Variants in DENND5B observed in about 807,000 individuals in gnomAD.
DENND5B encodes DENN domain-containing protein 5B.
A neutral mutation model predicts 140.6 loss-of-function variants in DENND5B; 34 were observed. The ratio of observed to expected loss-of-function variants is 0.24; its 90% CI spans 0.18 to 0.32. The LOEUF is 0.32. Ranked by LOEUF, DENND5B falls within the 10% of genes least tolerant of loss-of-function variation. The pLI is 1.00. For synonymous variants in DENND5B, 551 were observed against 562.1 expected (o/e 0.98, Z 0.28); for missense variants, 1,142 against 1,560.2 (o/e 0.73, Z 4.52).
At chr12:31,504,137 T>G (rs1253154204) in intron 1 of DENND5B, among the ~76,000 whole-genome samples, 2 of 152,210 alleles carry the variant, frequency 1.3e-5, no homozygotes, top group Non-Finnish European at 2.9e-5. Flanking sequence ...ATAACGTAAA[T>G]CACCATTTAT....
intron 6 of DENND5B, among the ~76,000 whole-genome samples, chr12:31,446,886 C>CA (rs534785761): frequency 0.049 from 3,486 of 71,144 alleles, 61 homozygotes; most frequent in Middle Eastern, 0.096. Flanking sequence ...GACTCCGCCT[C>CA]AAAAAAAAAA....
At chr12:31,549,093 T>G (rs1948953532) in intron 1 of DENND5B, among the ~76,000 whole-genome samples, 4 of 152,144 alleles carry the variant, frequency 2.6e-5, no homozygotes, top group African/African-American at 9.7e-5. Context: ...AGACACGAAG[T>G]CTCGCTTTGT....
At chr12:31,539,454 T>A (rs1305986157) in intron 1 of DENND5B, among the ~76,000 whole-genome samples, 2 of 152,136 alleles carry the variant, frequency 1.3e-5, no homozygotes, top group African/African-American at 4.8e-5. Context: ...ATATCACTGA[T>A]GAAAATTGAT....
In DENND5B at chr12:31,420,346, C is replaced by A. The variant is rs147157792; in HGVS notation, c.2470+3251G>T. ...GAGACTGGGTCTCACTATGTTACCT[C>A]AGCTGGTCTCAAACTCCTGGGCTCA... On this transcript the variant is annotated intron_variant, in intron 11 of 20. Transcript: ENST00000389082. 2.3e-3 allele frequency among the ~76,000 whole-genome samples: 351 copies of A among 152,042 alleles called. 4 individuals are homozygous for A. The highest frequency in any genetic ancestry group is 7.7e-3 in the African/African-American group (319 of 41,468).
intron 1 of DENND5B, among the ~76,000 whole-genome samples, chr12:31,530,190 T>C (rs1157084089): frequency 2.6e-5 from 4 of 152,220 alleles, no homozygotes; most frequent in African/African-American, 9.6e-5. Flanking sequence ...CTGGCCAACA[T>C]GGTGAAACCC....
chr12:31,443,634 G>A (rs2137998795), intron 6 of DENND5B, among the ~76,000 whole-genome samples: 1 of 152,248 alleles, frequency 6.6e-6, no homozygotes, highest in Non-Finnish European at 1.5e-5. Context: ...TTCTTGAGCT[G>A]AAATACAAGT....
chr12:31,527,179 T>C (rs183202171), intron 1 of DENND5B, among the ~76,000 whole-genome samples: 5 of 152,226 alleles, frequency 3.3e-5, no homozygotes, highest in East Asian at 1.9e-4. Flanking sequence ...ATTTTAAAAA[T>C]AGTCATCTGG....
At chr12:31,433,080 A>G (rs767672946) in intron 8 of DENND5B, 75 bp downstream of exon 8, 2 of 1,219,600 alleles carry the variant, frequency 1.6e-6, no homozygotes, top group Non-Finnish European at 2.4e-6. Flanking sequence ...AATCTACACA[A>G]TGACATCTGC....
At chr12:31,543,277 G>C (rs1948749163) in intron 1 of DENND5B, among the ~76,000 whole-genome samples, 1 of 152,150 alleles carries the variant, frequency 6.6e-6, no homozygotes, top group South Asian at 2.1e-4. Flanking sequence ...GTTTCCATAT[G>C]TTTTGTAACA....
At chr12:31,505,105 T>C (rs1339674658) in intron 1 of DENND5B, among the ~76,000 whole-genome samples, 1 of 152,206 alleles carries the variant, frequency 6.6e-6, no homozygotes, top group Non-Finnish European at 1.5e-5. Flanking sequence ...GAGTTTTTAT[T>C]TGTGTTCGTT....
chr12:31,561,393 GAGGA>G (rs1440611120), intron 1 of DENND5B, among the ~76,000 whole-genome samples: 2 of 152,172 alleles, frequency 1.3e-5, no homozygotes, highest in African/African-American at 4.8e-5. Context: ...AGAGGCTGAG[GAGGA>G]AGGATCACCT....
At chr12:31,585,368 G>A (rs979150156) in intron 1 of DENND5B, among the ~76,000 whole-genome samples, 4 of 152,190 alleles carry the variant, frequency 2.6e-5, no homozygotes, top group Non-Finnish European at 4.4e-5. Context: ...AATTGACACA[G>A]TATCAATGGT....
At chr12:31,540,830 T>C (rs531678751) in intron 1 of DENND5B, 4 of 208,368 alleles carry the variant, frequency 1.9e-5, no homozygotes, top group Non-Finnish European at 4.1e-5. Flanking sequence ...CAAAACAGGA[T>C]GATACTGGCA....
chr12:31,525,864 G>T (rs1248318836), intron 1 of DENND5B, among the ~76,000 whole-genome samples: 1 of 152,250 alleles, frequency 6.6e-6, no homozygotes, highest in African/African-American at 2.4e-5. Context: ...GTGGTAGCAA[G>T]TGCCTGTGGT....
chr12:31,399,740 C>A lies in DENND5B; in HGVS notation c.2982G>T (p.Gln994His). Residue 994 changes from glutamine (Q) to histidine (H), a missense_variant, in exon 16 of 21, where the codon CAG becomes CAT. Physicochemically the swap from Gln to His is conservative, Grantham distance 24 (BLOSUM62 0). Around this residue, in one of 5 missense-constraint regions of DENND5B, gnomAD observed 268 missense variants for 349.2 expected, o/e 0.77. Coordinates refer to ENST00000389082, the MANE Select transcript of DENND5B (RefSeq NM_144973.4). ...CQNLGKLTTVQIGHDNSGLLA... is the reference protein window; with the variant it reads ...CQNLGKLTTVHIGHDNSGLLA... ...ACAGTCCTGAGTTATCGTGACCAAT[C>A]TGAACAGTGGTCAGCTTCCCCAAGT... 1 of 1,613,968 alleles carries A rather than the reference C, an allele frequency of 6.2e-7. No homozygotes were observed. Among genetic ancestry groups the A allele is most frequent in the Non-Finnish European group, 8.5e-7 (1 of 1,179,926 alleles).
Position 31,587,270 on chromosome 12 carries a change from T to A in DENND5B, c.127+3436A>T, listed in dbSNP as rs547240728. Among the ~76,000 whole-genome samples the A allele has an allele frequency of 1.9e-4, 29 of 152,250 alleles. No homozygotes were observed. The South Asian group carries it at 5.8e-3, about 30-fold the overall frequency. On this transcript the variant is annotated intron_variant, in intron 1 of 20. Transcript: ENST00000389082. ...TAATGGACACATCAAACTTAATACATCCAAAACTGAACTGATTTCCAGTCT... is the reference window on the plus strand; with the variant it reads ...TAATGGACACATCAAACTTAATACAACCAAAACTGAACTGATTTCCAGTCT...
chr12:31,586,791 T>C (rs1950408580), intron 1 of DENND5B, among the ~76,000 whole-genome samples: 2 of 152,216 alleles, frequency 1.3e-5, no homozygotes, highest in Admixed American at 1.3e-4. Flanking sequence ...TAAGACCTTC[T>C]AGAGGCACGG....
intron 1 of DENND5B, among the ~76,000 whole-genome samples, chr12:31,554,886 C>T (rs190142497): frequency 0.012 from 1,760 of 152,362 alleles, 23 homozygotes; most frequent in African/African-American, 0.04. Flanking sequence ...ACGTAGCTCT[C>T]GTGCCTTGGT....
At chr12:31,510,038 C>T (rs759506057) in intron 1 of DENND5B, among the ~76,000 whole-genome samples, 3 of 152,176 alleles carry the variant, frequency 2.0e-5, no homozygotes, top group Non-Finnish European at 4.4e-5. Flanking sequence ...CGCCAAATGA[C>T]GTGCAGTTCC....
Sources: gnomAD v4.1 joint callset for allele counts (sites outside exome capture counted in the v4.1 genomes callset) on GRCh38, gnomAD v4.1.1 for gene constraint, gnomAD v4.1.1 regional missense constraint, MANE v1.5 for transcripts, NCBI Gene and HGNC (gene_info 2026-07-23, HGNC 2026-07-21) for gene names.